Variants in TRPM3 observed in about 807,000 individuals in gnomAD.
TRPM3 encodes transient receptor potential cation channel subfamily M member 3.
A neutral mutation model predicts 181.2 loss-of-function variants in TRPM3; 77 were observed. That is an observed-to-expected ratio of 0.42 (90% CI 0.35 to 0.51). The LOEUF is 0.51. TRPM3 is among the 20% of genes least tolerant of loss of function. The pLI, the probability that TRPM3 is intolerant of heterozygous loss-of-function variation, is 0.01. For synonymous variants in TRPM3, 745 were observed against 796.4 expected, an observed-to-expected ratio of 0.94 and a Z score of 1.09; for missense variants, 1,759 against 2,196.7, an observed-to-expected ratio of 0.80 and a Z score of 3.98.
chr9:70,922,337 C>T (rs2096666080), intron 1 of TRPM3, among the ~76,000 whole-genome samples: 1 of 152,158 alleles, frequency 6.6e-6, no homozygotes, highest in Admixed American at 6.5e-5. Flanking sequence ...TGCATTATGT[C>T]ATTAAGGTTT....
chr9:71,094,759 A>G (rs1269689922), intron 1 of TRPM3, among the ~76,000 whole-genome samples: 1 of 152,200 alleles, frequency 6.6e-6, no homozygotes, highest in Non-Finnish European at 1.5e-5. Flanking sequence ...TCTGTGGTAC[A>G]TCAGATATTA....
At chr9:71,369,914 T>C (rs2092458171) in intron 1 of TRPM3, among the ~76,000 whole-genome samples, 1 of 152,204 alleles carries the variant, frequency 6.6e-6, no homozygotes, top group East Asian at 1.9e-4. Flanking sequence ...GCTCACTTCA[T>C]GTCTGTGTCT....
intron 1 of TRPM3, among the ~76,000 whole-genome samples, chr9:71,173,623 G>A (rs745572169): frequency 1.4e-4 from 22 of 152,200 alleles, no homozygotes; most frequent in Non-Finnish European, 2.4e-4. Context: ...AATTCCTCAT[G>A]GAAAATTTCA....
At position 70,531,180 on chromosome 9, in the gene TRPM3, A is replaced by T. The variant is rs1425329436; in HGVS notation, c.*4773T>A. ...TGTGTCTTGCATATATCACAGATGC[A>T]CAACACCTAGACCTTGGCAGACCCA... On this transcript the variant is annotated 3_prime_UTR_variant, in exon 26 of 26. Transcript: ENST00000677713. 6.6e-6 allele frequency: 1 copy of T among 152,226 alleles called. No individual in the cohort carries two copies. Among genetic ancestry groups the T allele is most frequent in the Non-Finnish European group, 1.5e-5 (1 of 68,042 alleles). The allele number at this position is 152,226 out of a possible 1,614,324, so 9.4% of individuals were successfully genotyped here.
intron 8 of TRPM3, among the ~76,000 whole-genome samples, chr9:70,688,731 C>G (rs1029563131): frequency 6.6e-6 from 1 of 152,104 alleles, no homozygotes; most frequent in Non-Finnish European, 1.5e-5. Flanking sequence ...AAATACCCTT[C>G]CCTCTGCTTG....
At chr9:70,554,838 C>T (rs563490902) in intron 22 of TRPM3, among the ~76,000 whole-genome samples, 30 of 152,278 alleles carry the variant, frequency 2.0e-4, no homozygotes, top group Admixed American at 1.7e-3. Flanking sequence ...TCCTTTAGTT[C>T]TGCCTGCCAA....
chr9:71,263,949 T>G (rs2083223516), intron 1 of TRPM3, among the ~76,000 whole-genome samples: 1 of 152,042 alleles, frequency 6.6e-6, no homozygotes, highest in East Asian at 1.9e-4. Flanking sequence ...CCAGCTAATT[T>G]TTATTAAAAT....
At chr9:71,150,695 A>C (rs2075687667) in intron 1 of TRPM3, among the ~76,000 whole-genome samples, 1 of 152,160 alleles carries the variant, frequency 6.6e-6, no homozygotes, top group African/African-American at 2.4e-5. Context: ...GAGAAAACTG[A>C]TACTGGTGCA....
intron 3 of TRPM3, among the ~76,000 whole-genome samples, chr9:70,848,217 A>G (rs985611690): frequency 6.6e-6 from 1 of 152,204 alleles, no homozygotes; most frequent in Admixed American, 6.5e-5. Flanking sequence ...AACTTCTAGT[A>G]ATTAAAATGT....
At chr9:70,990,943 T>C (rs1237359168) in intron 1 of TRPM3, among the ~76,000 whole-genome samples, 2 of 152,178 alleles carry the variant, frequency 1.3e-5, no homozygotes, top group Admixed American at 6.6e-5. Flanking sequence ...TATAGACACA[T>C]GTAATGAATC....
chr9:71,372,740 G>A (rs1219198960), intron 1 of TRPM3, among the ~76,000 whole-genome samples: 2 of 152,066 alleles, frequency 1.3e-5, no homozygotes, highest in Non-Finnish European at 2.9e-5. Flanking sequence ...ATGTAAATGG[G>A]CTAAATACCC....
At chr9:71,343,108 G>A (rs1043777504) in intron 1 of TRPM3, among the ~76,000 whole-genome samples, 3 of 151,966 alleles carry the variant, frequency 2.0e-5, no homozygotes, top group African/African-American at 7.2e-5. Context: ...GGAAGGGAGG[G>A]GGGTAAAAGA....
At chr9:71,014,146 C>A (rs500549) in intron 1 of TRPM3, among the ~76,000 whole-genome samples, 1 of 151,948 alleles carries the variant, frequency 6.6e-6, no homozygotes, top group African/African-American at 2.4e-5. Flanking sequence ...TTGTAAAAAT[C>A]CTGAAATTTT....
chr9:71,393,377 A>G (rs2093110592), intron 1 of TRPM3, among the ~76,000 whole-genome samples: 1 of 152,170 alleles, frequency 6.6e-6, no homozygotes, highest in Non-Finnish European at 1.5e-5. Context: ...TACCTAGCCT[A>G]GGTTGAAAAG....
chr9:71,045,276 T>C (rs1353374301), intron 1 of TRPM3, among the ~76,000 whole-genome samples: 1 of 152,112 alleles, frequency 6.6e-6, no homozygotes, highest in Non-Finnish European at 1.5e-5. Context: ...CAATCTGGAA[T>C]ACCATCTCAA....
chr9:70,841,624 C>CTA (rs72421594), intron 5 of TRPM3, among the ~76,000 whole-genome samples: 4,103 of 72,538 alleles, frequency 0.057, 138 homozygotes, highest in Non-Finnish European at 0.073. Context: ...CTATATCCCA[C>CTA]TATATATATA....
chr9:70,978,707 C>T (rs773958292), intron 1 of TRPM3, among the ~76,000 whole-genome samples: 3 of 152,148 alleles, frequency 2.0e-5, no homozygotes, highest in African/African-American at 2.4e-5. Flanking sequence ...TAAATTGTTT[C>T]ATAAAACACC....
chr9:70,759,844 G>A (rs2077761767), intron 8 of TRPM3, among the ~76,000 whole-genome samples: 1 of 152,090 alleles, frequency 6.6e-6, no homozygotes. Context: ...GGGGTGGGGG[G>A]CTAGGGGAGG....
intron 9 of TRPM3, among the ~76,000 whole-genome samples, chr9:70,665,222 T>C (rs914533381): frequency 2.6e-5 from 4 of 152,108 alleles, no homozygotes; most frequent in Admixed American, 2.0e-4. Flanking sequence ...TCTTACCTAT[T>C]GAGTGTGCAT....
Sources: allele counts gnomAD v4.1 joint callset (sites outside exome capture counted in the v4.1 genomes callset), GRCh38; gene constraint gnomAD v4.1.1; transcripts MANE v1.5; gene names NCBI Gene and HGNC (gene_info 2026-07-23, HGNC 2026-07-21).